TENM3: variants seen among roughly 807,000 people sequenced by gnomAD.
TENM3 encodes the protein teneurin-3.
Under a neutral mutation model 255.1 loss-of-function variants are expected in TENM3, and 63 were observed. The ratio of observed to expected loss-of-function variants is 0.25; its 90% CI spans 0.20 to 0.30. The LOEUF (loss-of-function observed/expected upper bound fraction) is 0.30. Ranked by LOEUF, TENM3 falls within the 10% of genes least tolerant of loss-of-function variation. The pLI is 1.00. For missense variants in TENM3, 2,929 were observed against 3,461.1 expected (o/e 0.85, Z 3.86); for synonymous variants, 1,306 against 1,322.3 (o/e 0.99, Z 0.27).
At chr4:181,587,396 C>T in the TENM3 span, among the ~76,000 whole-genome samples, 2 of 152,212 alleles carry the variant, frequency 1.3e-5, no homozygotes, top group Non-Finnish European at 2.9e-5. Context: ...CCCGCACTAT[C>T]CTCTCTTTCT....
At chr4:181,796,870 C>T in the TENM3 span, among the ~76,000 whole-genome samples, 1 of 152,184 alleles carries the variant, frequency 6.6e-6, no homozygotes, top group African/African-American at 2.4e-5. Context: ...ATATATGCAT[C>T]CACTTTTACA....
the TENM3 span, among the ~76,000 whole-genome samples, chr4:181,721,120 G>A: frequency 2.6e-5 from 4 of 151,754 alleles, no homozygotes; most frequent in African/African-American, 4.8e-5. Flanking sequence ...AAAAAAAAAA[G>A]GGTCATTCCG....
At chr4:182,162,232 T>C (rs944337576) in intron 1 of TENM3, among the ~76,000 whole-genome samples, 4 of 152,024 alleles carry the variant, frequency 2.6e-5, no homozygotes, top group African/African-American at 9.7e-5. Context: ...GTCTTTGAAA[T>C]GTTAGTTGGC....
intron 3 of TENM3, among the ~76,000 whole-genome samples, chr4:182,439,131 C>T (rs968724693): frequency 1.1e-4 from 16 of 152,210 alleles, no homozygotes; most frequent in African/African-American, 3.6e-4. Context: ...TTTTGCAAGA[C>T]TCAATTCCCT....
At chr4:182,363,378 T>TTCACAAAGAAAGAACTTAAAATTTTAGC (rs1491434557) in intron 3 of TENM3, among the ~76,000 whole-genome samples, 1 of 151,858 alleles carries the variant, frequency 6.6e-6, no homozygotes, top group Admixed American at 6.6e-5. Context: ...TATATGTGTG[T>TTCACAAAGAAAGAACTTAAAATTTTAGC]ATATATATGA....
At chr4:182,248,043 G>T (rs577213139) in intron 1 of TENM3, among the ~76,000 whole-genome samples, 5 of 152,274 alleles carry the variant, frequency 3.3e-5, no homozygotes, top group African/African-American at 1.2e-4. Flanking sequence ...CAAATATGCA[G>T]TTTTGAAAGT....
At chr4:181,593,228 G>T in the TENM3 span, among the ~76,000 whole-genome samples, 3 of 152,140 alleles carry the variant, frequency 2.0e-5, no homozygotes, top group Non-Finnish European at 4.4e-5. Context: ...GCAGAGTTTG[G>T]AGGCATTTCT....
chr4:182,109,389 T>C, the TENM3 span, among the ~76,000 whole-genome samples: 1 of 151,452 alleles, frequency 6.6e-6, no homozygotes, highest in Non-Finnish European at 1.5e-5. Flanking sequence ...ATATAGCTAC[T>C]ATATATAGAA....
intron 3 of TENM3, among the ~76,000 whole-genome samples, chr4:182,595,499 C>G (rs1404983549): frequency 6.6e-6 from 1 of 152,098 alleles, no homozygotes. Flanking sequence ...TGACCGCAGT[C>G]TTTATTATCT....
the TENM3 span, among the ~76,000 whole-genome samples, chr4:181,543,132 T>C: frequency 9.5e-3 from 1,443 of 152,238 alleles, 28 homozygotes; most frequent in African/African-American, 0.032. Flanking sequence ...ACCCCTAAAA[T>C]TTTTCCCAGA....
the TENM3 span, among the ~76,000 whole-genome samples, chr4:182,134,786 C>T: frequency 3.8e-3 from 581 of 152,198 alleles, 4 homozygotes; most frequent in Non-Finnish European, 3.6e-3. Context: ...TCACATGGCC[C>T]GTAGGAGCTT....
the TENM3 span, among the ~76,000 whole-genome samples, chr4:181,912,282 C>A: frequency 2.0e-5 from 3 of 152,192 alleles, no homozygotes; most frequent in Non-Finnish European, 4.4e-5. Flanking sequence ...TAGGAATTTT[C>A]ATTCCAAGCT....
chr4:181,939,715 G>A, the TENM3 span, among the ~76,000 whole-genome samples: 12 of 152,336 alleles, frequency 7.9e-5, no homozygotes, highest in East Asian at 2.3e-3. Flanking sequence ...GGTGCGGGGC[G>A]CTCAGCACAT....
At chr4:182,083,936 G>A in the TENM3 span, among the ~76,000 whole-genome samples, 1 of 151,938 alleles carries the variant, frequency 6.6e-6, no homozygotes, top group Non-Finnish European at 1.5e-5. Context: ...CCCCAAAGCA[G>A]CTGTGAAGCT....
chr4:181,672,825 G>A, the TENM3 span, among the ~76,000 whole-genome samples: 1 of 152,030 alleles, frequency 6.6e-6, no homozygotes, highest in African/African-American at 2.4e-5. Flanking sequence ...TCTTCATTTC[G>A]CAGAAGTAGA....
At chr4:182,422,802 C>T (rs1371677960) in intron 3 of TENM3, among the ~76,000 whole-genome samples, 1 of 152,176 alleles carries the variant, frequency 6.6e-6, no homozygotes, top group African/African-American at 2.4e-5. Context: ...TTCAGACACC[C>T]TTGTAAGCAT....
At chr4:182,648,549 A>G (rs797002363) in intron 5 of TENM3, among the ~76,000 whole-genome samples, 1 of 152,082 alleles carries the variant, frequency 6.6e-6, no homozygotes, top group Non-Finnish European at 1.5e-5. Context: ...ACAAAATGCT[A>G]GGTAGGATTA....
intron 6 of TENM3, among the ~76,000 whole-genome samples, chr4:182,662,480 A>G (rs772945524): frequency 5.3e-5 from 8 of 152,184 alleles, no homozygotes; most frequent in Non-Finnish European, 8.8e-5. Context: ...TAGAATAACT[A>G]CAGGGCACTC....
In TENM3 at chr4:182,795,552, C is replaced by T. The variant is rs1039065972; in HGVS notation, c.7214-1085C>T. ...GTTTTATAGCCATATGATGCCTGGACGAATGACCTGCCAGCCTGGCAATGA... is the reference window on the plus strand; with the variant it reads ...GTTTTATAGCCATATGATGCCTGGATGAATGACCTGCCAGCCTGGCAATGA... On this transcript the variant is annotated intron_variant, in intron 26 of 27. Coordinates refer to ENST00000511685, the MANE Select transcript of TENM3 (RefSeq NM_001080477.4). Among the ~76,000 whole-genome samples the T allele has an allele frequency of 2.6e-5, 4 of 152,160 alleles. 1 individual carries two copies. The highest frequency in any genetic ancestry group is 1.3e-4 in the Admixed American group (2 of 15,280).
Sources: allele counts gnomAD v4.1 joint callset (sites outside exome capture counted in the v4.1 genomes callset), GRCh38; gene constraint gnomAD v4.1.1; transcripts MANE v1.5; gene names NCBI Gene and HGNC (gene_info 2026-07-23, HGNC 2026-07-21).